KCNQ3: variants seen among roughly 807,000 people sequenced by gnomAD.
The protein encoded by KCNQ3 is potassium voltage-gated channel subfamily KQT member 3.
KCNQ3 carries 30 observed loss-of-function variants against 92.5 expected under a neutral mutation model. The ratio of observed to expected loss-of-function variants is 0.32; its 90% CI spans 0.24 to 0.44. The LOEUF (loss-of-function observed/expected upper bound fraction) is 0.44, where lower values mean the gene tolerates loss of function less well. Ranked by LOEUF, KCNQ3 falls within the 20% of genes least tolerant of loss-of-function variation. The pLI is 1.00. For missense variants in KCNQ3, 913 were observed against 1,140.3 expected, an observed-to-expected ratio of 0.80 and a Z score of 2.87; for synonymous variants, 450 against 468.8, an observed-to-expected ratio of 0.96 and a Z score of 0.52.
chr8:132,351,514 G>A (rs1818865278), intron 1 of KCNQ3, among the ~76,000 whole-genome samples: 1 of 152,158 alleles, frequency 6.6e-6, no homozygotes, highest in Non-Finnish European at 1.5e-5. Flanking sequence ...CACGGAGGAG[G>A]CCCACTACCA....
intron 1 of KCNQ3, among the ~76,000 whole-genome samples, chr8:132,261,722 T>C (rs7835382): frequency 0.75 from 114,613 of 152,080 alleles, 43,348 homozygotes; most frequent in East Asian, 0.86. Context: ...CTCCATGTTT[T>C]CAGCCTTCAC....
At chr8:132,310,648 T>C (rs1189467432) in intron 1 of KCNQ3, among the ~76,000 whole-genome samples, 1 of 152,200 alleles carries the variant, frequency 6.6e-6, no homozygotes, top group African/African-American at 2.4e-5. Flanking sequence ...GCACCACAGG[T>C]GACTGGACGC....
chr8:132,277,573 C>A (rs891241089), intron 1 of KCNQ3, among the ~76,000 whole-genome samples: 1 of 152,168 alleles, frequency 6.6e-6, no homozygotes, highest in Non-Finnish European at 1.5e-5. Flanking sequence ...GATTTTTGAG[C>A]GTCTTTTCAC....
chr8:132,152,391 G>A (rs1426350735), intron 9 of KCNQ3, among the ~76,000 whole-genome samples: 1 of 152,130 alleles, frequency 6.6e-6, no homozygotes, highest in Non-Finnish European at 1.5e-5. Context: ...TATACTCTGT[G>A]AACAAAATTT....
rs550541605 is a variant in KCNQ3 at position 132,236,841 on chromosome 8, T to C, written c.387-50660A>G. On this transcript the variant is annotated intron_variant, in intron 1 of 14. Transcript: ENST00000388996. ...GATTTGACACAAGTGAAGCTGTCCA[T>C]TGCTAGCTCTGAAGATGAAGGGGAC... Among the ~76,000 whole-genome samples the C allele has an allele frequency of 3.5e-4, 53 of 152,364 alleles. 1 individual carries two copies. Among genetic ancestry groups the C allele is most frequent in the African/African-American group, 1.3e-3 (52 of 41,582 alleles).
intron 1 of KCNQ3, among the ~76,000 whole-genome samples, chr8:132,352,031 C>T (rs1563874280): frequency 6.6e-6 from 1 of 152,118 alleles, no homozygotes; most frequent in Non-Finnish European, 1.5e-5. Context: ...TACCATTTGC[C>T]AAGCCATGGT....
At chr8:132,154,952 G>A (rs540980033) in intron 9 of KCNQ3, among the ~76,000 whole-genome samples, 2 of 152,214 alleles carry the variant, frequency 1.3e-5, no homozygotes, top group African/African-American at 2.4e-5. Context: ...AAAGATGGAC[G>A]GAAGAAAATT....
intron 1 of KCNQ3, among the ~76,000 whole-genome samples, chr8:132,414,330 A>T (rs1820734683): frequency 6.6e-6 from 1 of 152,138 alleles, no homozygotes; most frequent in African/African-American, 2.4e-5. Context: ...CCAGGGAGGG[A>T]TCCCCTCTAG....
At chr8:132,261,034 T>A (rs1386971992) in intron 1 of KCNQ3, among the ~76,000 whole-genome samples, 1 of 152,198 alleles carries the variant, frequency 6.6e-6, no homozygotes, top group Non-Finnish European at 1.5e-5. Flanking sequence ...TTTCAAAGCA[T>A]TTTCATCACT....
At chr8:132,252,765 CAG>C (rs554452141) in intron 1 of KCNQ3, among the ~76,000 whole-genome samples, 64 of 152,298 alleles carry the variant, frequency 4.2e-4, no homozygotes, top group African/African-American at 1.3e-3. Flanking sequence ...TAACTAGACA[CAG>C]AGCGCTGATT....
In KCNQ3 at chr8:132,480,615, C is replaced by A. The variant is rs1354733223; in HGVS notation, c.-83G>T. 2 of 1,194,432 alleles carry A rather than the reference C, an allele frequency of 1.7e-6. No individual in the cohort carries two copies. Among genetic ancestry groups the A allele is most frequent in the South Asian group, 1.7e-5 (1 of 59,284 alleles). The allele number at this position is 1,194,432 out of a possible 1,614,324, so 74.0% of individuals were successfully genotyped here. A position where few individuals can be genotyped will look rare whatever the true frequency, so the allele number is the denominator to read the frequency against. On this transcript the variant is annotated 5_prime_UTR_variant, in exon 1 of 15. Transcript: ENST00000388996. ...CGCTCGGGGTGCGTGAACGAGGCGG[C>A]GGCGGCGGCTGCAAGCCCGGGAACT...
At chr8:132,303,102 G>A (rs1817273465) in intron 1 of KCNQ3, among the ~76,000 whole-genome samples, 1 of 152,158 alleles carries the variant, frequency 6.6e-6, no homozygotes, top group Non-Finnish European at 1.5e-5. Flanking sequence ...GAGGGCAGCA[G>A]GCTGGCCCAA....
chr8:132,229,833 GC>G (rs1352328312), intron 1 of KCNQ3, among the ~76,000 whole-genome samples: 1 of 152,262 alleles, frequency 6.6e-6, no homozygotes, highest in Admixed American at 6.5e-5. Flanking sequence ...GTGGAGAGAA[GC>G]CCTAGGCTGA....
At chr8:132,375,689 G>T (rs767945694) in intron 1 of KCNQ3, among the ~76,000 whole-genome samples, 1 of 152,180 alleles carries the variant, frequency 6.6e-6, no homozygotes, top group Non-Finnish European at 1.5e-5. Flanking sequence ...CTGCAAGAAT[G>T]CACGGAAACA....
intron 1 of KCNQ3, among the ~76,000 whole-genome samples, chr8:132,466,381 C>T (rs1164362140): frequency 2.6e-5 from 4 of 151,922 alleles, no homozygotes; most frequent in African/African-American, 7.3e-5. Context: ...TTGTCATTGG[C>T]GCCCTTCCCA....
chr8:132,227,491 C>T (rs1814469928), intron 1 of KCNQ3, among the ~76,000 whole-genome samples: 2 of 152,184 alleles, frequency 1.3e-5, no homozygotes, highest in Non-Finnish European at 2.9e-5. Flanking sequence ...CCTCTGGGAA[C>T]CCAACACCTT....
At position 132,252,920 on chromosome 8, in the gene KCNQ3, G is replaced by A. The variant is rs1586868083; in HGVS notation, c.387-66739C>T. Among the ~76,000 whole-genome samples the A allele has an allele frequency of 2.0e-5, 3 of 152,138 alleles. No homozygotes were observed. The East Asian group carries it at 5.8e-4, about 29-fold the overall frequency. On this transcript the variant is annotated intron_variant, in intron 1 of 14. Transcript: ENST00000388996. ...GACATTCAGAGAGTGACACTACTCT[G>A]GGTAAAACACTGCCCTCCTTCTCAC...
At chr8:132,380,998 C>T (rs999490983) in intron 1 of KCNQ3, among the ~76,000 whole-genome samples, 3 of 150,622 alleles carry the variant, frequency 2.0e-5, no homozygotes, top group South Asian at 2.1e-4. Flanking sequence ...ATAGAGGCTC[C>T]AGGAACAAAG....
intron 1 of KCNQ3, among the ~76,000 whole-genome samples, chr8:132,256,215 T>C (rs569940314): frequency 1.3e-5 from 2 of 151,590 alleles, no homozygotes; most frequent in African/African-American, 2.4e-5. Context: ...TAAAGTGAAA[T>C]GAAAAATTCA....
Sources: gnomAD v4.1 joint callset for allele counts (sites outside exome capture counted in the v4.1 genomes callset) on GRCh38, gnomAD v4.1.1 for gene constraint, MANE v1.5 for transcripts, NCBI Gene and HGNC (gene_info 2026-07-23, HGNC 2026-07-21) for gene names.